Variants in DSCAM observed in about 807,000 individuals in gnomAD.
DSCAM encodes DS cell adhesion molecule.
DSCAM carries 47 observed loss-of-function variants against 217.7 expected under a neutral mutation model. The ratio of observed to expected loss-of-function variants is 0.22; its 90% CI spans 0.17 to 0.28. The LOEUF is 0.28. Ranked by LOEUF, DSCAM falls within the 10% of genes least tolerant of loss-of-function variation. The pLI is 1.00. For synonymous variants in DSCAM, 1,056 were observed against 1,015.3 expected, an observed-to-expected ratio of 1.04 and a Z score of -0.76; for missense variants, 2,080 against 2,618.3, an observed-to-expected ratio of 0.79 and a Z score of 4.49.
At chr21:40,228,648 T>C (rs569016831) in intron 11 of DSCAM, among the ~76,000 whole-genome samples, 9 of 148,868 alleles carry the variant, frequency 6.0e-5, no homozygotes, top group East Asian at 2.1e-4. Context: ...CTTTTCTTTT[T>C]TTTTTTTTTC....
intron 11 of DSCAM, among the ~76,000 whole-genome samples, chr21:40,204,810 CAAGT>C (rs1404436509): frequency 6.6e-5 from 10 of 152,344 alleles, no homozygotes; most frequent in Admixed American, 2.0e-4. Context: ...CCAACACAAG[CAAGT>C]GTGTCTGCAC....
intron 3 of DSCAM, among the ~76,000 whole-genome samples, chr21:40,407,793 A>T (rs1312810376): frequency 6.6e-6 from 1 of 152,232 alleles, no homozygotes; most frequent in African/African-American, 2.4e-5. Context: ...TGCCCTCCAG[A>T]ACCCTGCTCT....
At chr21:40,108,283 C>T (rs1158038651) in intron 20 of DSCAM, among the ~76,000 whole-genome samples, 1 of 152,192 alleles carries the variant, frequency 6.6e-6, no homozygotes, top group East Asian at 1.9e-4. Flanking sequence ...AGCCCAAAAG[C>T]TTCTTAAGCT....
At chr21:40,131,362 T>C (rs1232509587) in intron 19 of DSCAM, among the ~76,000 whole-genome samples, 1 of 152,254 alleles carries the variant, frequency 6.6e-6, no homozygotes, top group Non-Finnish European at 1.5e-5. Context: ...GAATTTTTCA[T>C]GTGAACCTGG....
At position 40,615,860 on chromosome 21, in the gene DSCAM, T is replaced by C. The variant is rs536184781; in HGVS notation, c.508+76950A>G. 1.8e-4 allele frequency among the ~76,000 whole-genome samples: 28 copies of C among 152,160 alleles called. No individual in the cohort carries two copies. In the South Asian group the frequency reaches 4.6e-3, roughly 25 times the overall value. ...AAAAAGAAAAAATATTTTAAATGCA[T>C]ATCATTAAAGGCCACGGGCAGATAA... On this transcript the variant is annotated intron_variant, in intron 3 of 32. Coordinates refer to ENST00000400454, the MANE Select transcript of DSCAM (RefSeq NM_001389.5).
At chr21:40,507,416 T>C (rs1257861203) in intron 3 of DSCAM, among the ~76,000 whole-genome samples, 1 of 152,228 alleles carries the variant, frequency 6.6e-6, no homozygotes, top group Non-Finnish European at 1.5e-5. Flanking sequence ...ATACGGCATT[T>C]ACAACTTTAC....
In DSCAM at chr21:40,071,655, T is replaced by G. The variant is rs552745233; in HGVS notation, c.4888+3382A>C. 2.6e-5 allele frequency among the ~76,000 whole-genome samples: 4 copies of G among 152,364 alleles called. No homozygotes were observed. In the East Asian group the frequency reaches 7.7e-4, roughly 29 times the overall value. On this transcript the variant is annotated intron_variant, in intron 27 of 32. Coordinates refer to ENST00000400454, the MANE Select transcript of DSCAM (RefSeq NM_001389.5). ...TCCATTTTTGATCCTGATAGATGGT[T>G]GCTCACGCAACACTGACATGTTACT...
intron 3 of DSCAM, among the ~76,000 whole-genome samples, chr21:40,666,175 TG>T (rs1477723784): frequency 6.6e-6 from 1 of 152,146 alleles, no homozygotes; most frequent in East Asian, 1.9e-4. Context: ...TCACTGCTGA[TG>T]AAGATAGGCA....
At position 40,011,744 on chromosome 21, in the gene DSCAM, G is replaced by A. The variant is rs1233534384; in HGVS notation, c.*1290C>T. The A allele has an allele frequency of 6.6e-6, 1 of 152,168 alleles. No homozygotes were observed. Among genetic ancestry groups the A allele is most frequent in the Non-Finnish European group, 1.5e-5 (1 of 68,038 alleles). 9.4% of individuals were successfully genotyped at this position (152,168 alleles called of 1,614,324 possible). A position where few individuals can be genotyped will look rare whatever the true frequency, so the allele number is the denominator to read the frequency against. Reference sequence around the variant, plus strand: ...GAAAGTAAAAACTTAGATTTTAGAGGAACATCACTTTCCTCTGGTTACAGA... The same window carrying A: ...GAAAGTAAAAACTTAGATTTTAGAGAAACATCACTTTCCTCTGGTTACAGA... On this transcript the variant is annotated 3_prime_UTR_variant, in exon 33 of 33. Transcript: ENST00000400454.
chr21:40,088,251 G>A (rs2089558983), intron 21 of DSCAM, among the ~76,000 whole-genome samples: 1 of 152,150 alleles, frequency 6.6e-6, no homozygotes, highest in African/African-American at 2.4e-5. Flanking sequence ...TAGGTGGAAG[G>A]CAGCCTTGAA....
intron 11 of DSCAM, among the ~76,000 whole-genome samples, chr21:40,245,204 G>C (rs372835025): frequency 6.6e-6 from 1 of 152,244 alleles, no homozygotes; most frequent in Non-Finnish European, 1.5e-5. Context: ...AATGACACAT[G>C]ATGGGTGATT....
intron 3 of DSCAM, among the ~76,000 whole-genome samples, chr21:40,507,229 A>G (rs906381320): frequency 2.0e-5 from 3 of 152,150 alleles, no homozygotes; most frequent in African/African-American, 7.2e-5. Flanking sequence ...GTGAGCCGAG[A>G]TCACGTCACT....
intron 3 of DSCAM, among the ~76,000 whole-genome samples, chr21:40,446,054 G>A (rs1177557112): frequency 6.6e-6 from 1 of 152,162 alleles, no homozygotes; most frequent in East Asian, 1.9e-4. Flanking sequence ...TGGAAACAAA[G>A]GTTTAAGAGG....
intron 3 of DSCAM, among the ~76,000 whole-genome samples, chr21:40,398,513 T>G (rs1321593855): frequency 6.6e-6 from 1 of 151,596 alleles, no homozygotes; most frequent in Non-Finnish European, 1.5e-5. Flanking sequence ...GGACTTAAAA[T>G]TAGCCTCTAG....
intron 3 of DSCAM, among the ~76,000 whole-genome samples, chr21:40,498,598 G>GTA (rs1228408298): frequency 4.2e-4 from 58 of 138,810 alleles, no homozygotes; most frequent in African/African-American, 9.1e-4. Context: ...TACAGTATGT[G>GTA]TATATATATA....
At chr21:40,737,662 T>G (rs979946983) in intron 1 of DSCAM, among the ~76,000 whole-genome samples, 2 of 152,168 alleles carry the variant, frequency 1.3e-5, no homozygotes, top group African/African-American at 4.8e-5. Flanking sequence ...GCAACCTGTC[T>G]GGGTTCATGT....
chr21:40,579,743 T>C (rs1218149740), intron 3 of DSCAM, among the ~76,000 whole-genome samples: 1 of 152,210 alleles, frequency 6.6e-6, no homozygotes, highest in African/African-American at 2.4e-5. Context: ...TCCATCTCCA[T>C]TTATGTTATT....
chr21:40,287,466 G>C (rs370541586), intron 10 of DSCAM, among the ~76,000 whole-genome samples: 2 of 152,168 alleles, frequency 1.3e-5, no homozygotes, highest in Admixed American at 1.3e-4. Context: ...GGGAAGTTGT[G>C]GGCAGGATCA....
intron 1 of DSCAM, among the ~76,000 whole-genome samples, chr21:40,803,906 G>C (rs2091763910): frequency 6.6e-6 from 1 of 152,094 alleles, no homozygotes; most frequent in South Asian, 2.1e-4. Flanking sequence ...TGTCTCTAAG[G>C]AGCATCCCCT....
Sources: allele counts gnomAD v4.1 joint callset (sites outside exome capture counted in the v4.1 genomes callset), GRCh38; gene constraint gnomAD v4.1.1; transcripts MANE v1.5; gene names NCBI Gene and HGNC (gene_info 2026-07-23, HGNC 2026-07-21).